Variants in MRPS22 observed in about 807,000 individuals in gnomAD.
MRPS22 encodes the protein mitochondrial ribosomal protein S22, also known as small ribosomal subunit protein mS22.
Under a neutral mutation model 44.0 loss-of-function variants are expected in MRPS22, and 30 were observed. The observed-to-expected ratio is 0.68, with a 90% CI of 0.51 to 0.93. The LOEUF (loss-of-function observed/expected upper bound fraction) is 0.93. Among genes scored for constraint, MRPS22 ranks in the 40% least tolerant of loss-of-function variants. The probability of loss-of-function intolerance (pLI) is 0.00; values close to 1 mark genes in which losing one functional copy is unlikely to be tolerated. For synonymous variants in MRPS22, 165 were observed against 154.4 expected (o/e 1.07, Z -0.51); for missense variants, 447 against 447.8 (o/e 1.00, Z 0.02).
chr3:139,348,404 C>A, intron 3 of MRPS22, 80 bp downstream of exon 3: 1 of 1,455,648 alleles, frequency 6.9e-7, no homozygotes, highest in Non-Finnish European at 9.6e-7. Context: ...TGTGACCTGG[C>A]TGTCTCTGAT....
At chr3:139,350,400 TC>T in intron 4 of MRPS22, 78 bp downstream of exon 4, 2 of 1,505,552 alleles carry the variant, frequency 1.3e-6, no homozygotes, top group East Asian at 2.3e-5. Context: ...TGTGCCTTGA[TC>T]CAGATAAACA....
chr3:139,349,652 A>C (rs1173361711), intron 3 of MRPS22, among the ~76,000 whole-genome samples: 2 of 152,222 alleles, frequency 1.3e-5, no homozygotes, highest in African/African-American at 4.8e-5. Context: ...TGGCAGTTGG[A>C]AGATCGAAGT....
chr3:139,356,029 C>T (rs1172536187), intron 7 of MRPS22, among the ~76,000 whole-genome samples: 1 of 152,076 alleles, frequency 6.6e-6, no homozygotes, highest in Non-Finnish European at 1.5e-5. Context: ...AGCTGGAGTC[C>T]AGAGAAGTTC....
At chr3:139,344,605 T>C (rs1391894364) in intron 1 of MRPS22, 1 of 647,766 alleles carries the variant, frequency 1.5e-6, no homozygotes, top group East Asian at 2.7e-5. Flanking sequence ...TGACCAAAGC[T>C]GAGATCTGGT....
intron 1 of MRPS22, chr3:139,344,615 T>C: frequency 1.5e-6 from 1 of 659,438 alleles, no homozygotes. Context: ...TGAGATCTGG[T>C]TAGCCATGCT....
intron 6 of MRPS22, among the ~76,000 whole-genome samples, chr3:139,354,790 C>T (rs951226875): frequency 1.3e-5 from 2 of 152,134 alleles, no homozygotes; most frequent in Admixed American, 1.3e-4. Flanking sequence ...GCCCTCCATT[C>T]CCAACTGGAA....
chr3:139,355,549 A>G, intron 6 of MRPS22, 133 bp from the exon 7 acceptor site: 2 of 770,962 alleles, frequency 2.6e-6, no homozygotes, highest in Admixed American at 4.3e-5. Context: ...GTAAAACTGA[A>G]GGTCCTTCCC....
At chr3:139,348,112 T>C (rs370107673) in intron 2 of MRPS22, 48 bp from the exon 3 acceptor site, 60 of 1,590,186 alleles carry the variant, frequency 3.8e-5, no homozygotes, top group Admixed American at 1.2e-4. Flanking sequence ...ATGATCCTTA[T>C]ATTATGTAAC....
chr3:139,344,077 T>C lies in MRPS22; in HGVS notation c.51T>C (p.Ser17=), dbSNP rs1411404317. ...TVLLWSLLRS[S]PGVERVCFRA... is the part of the protein sequence containing the mutation. ...TGCTGTGGAGCCTCTTGAGGAGTTC[T>C]CCGGGCGTGGAACGGGTCTGTTTCC... Residue 17 remains serine, a synonymous_variant, in exon 1 of 8, where the codon TCT becomes TCC. Coordinates refer to ENST00000680020, the MANE Select transcript of MRPS22 (RefSeq NM_020191.4). The C allele has an allele frequency of 1.9e-6, 3 of 1,614,076 alleles. No individual in the cohort carries two copies. Among genetic ancestry groups the C allele is most frequent in the African/African-American group, 2.7e-5 (2 of 74,932 alleles).
Position 139,355,793 on chromosome 3 carries a change from A to T in MRPS22, c.987+3A>T. The T allele has an allele frequency of 1.9e-6, 3 of 1,611,938 alleles. No homozygotes were observed. Among genetic ancestry groups the T allele is most frequent in the Non-Finnish European group, 2.5e-6 (3 of 1,178,104 alleles). On this transcript the variant is annotated splice_donor_region_variant and intron_variant, in intron 7 of 7. Coordinates refer to ENST00000680020, the MANE Select transcript of MRPS22 (RefSeq NM_020191.4). ...CTGAGGGAATAAATTTAATCAAGGTAAAGTTTTTTTTTCATATTGGTTGTT... is the reference window on the plus strand; with the variant it reads ...CTGAGGGAATAAATTTAATCAAGGTTAAGTTTTTTTTTCATATTGGTTGTT...
At chr3:139,356,083 A>G (rs1023460535) in intron 7 of MRPS22, among the ~76,000 whole-genome samples, 1 of 152,168 alleles carries the variant, frequency 6.6e-6, no homozygotes, top group Non-Finnish European at 1.5e-5. Context: ...GAGCACTGGA[A>G]GGGCTGAGCT....
At chr3:139,349,334 T>C (rs745881256) in intron 3 of MRPS22, 29 of 451,456 alleles carry the variant, frequency 6.4e-5, no homozygotes, top group Admixed American at 1.9e-4. Context: ...GCAGTGTTGA[T>C]GGAAGTTTCA....
chr3:139,350,380 C>A, intron 4 of MRPS22, 58 bp downstream of exon 4: 13 of 1,590,056 alleles, frequency 8.2e-6, no homozygotes, highest in Non-Finnish European at 1.1e-5. Flanking sequence ...TTTGTAGAAC[C>A]AGTTGGCTTT....
At position 139,355,807 on chromosome 3, in the gene MRPS22, A is replaced by T; in HGVS notation, c.987+17A>T. 1.9e-6 allele frequency: 3 copies of T among 1,578,358 alleles called. No individual in the cohort carries two copies. The highest frequency in any genetic ancestry group is 1.7e-4 in the Middle Eastern group (1 of 5,998). ...TTAATCAAGGTAAAGTTTTTTTTTC[A>T]TATTGGTTGTTTTGTGGTGGTAATT... On this transcript the variant is annotated intron_variant, in intron 7 of 7. Transcript: ENST00000680020.
At chr3:139,344,543 G>A in intron 1 of MRPS22, 1 of 613,450 alleles carries the variant, frequency 1.6e-6, no homozygotes, top group East Asian at 2.7e-5. Context: ...GACGCACACA[G>A]GAGAGGCACT....
At chr3:139,348,433 C>T (rs2107788152) in intron 3 of MRPS22, 109 bp downstream of exon 3, 4 of 1,132,760 alleles carry the variant, frequency 3.5e-6, no homozygotes, top group East Asian at 4.7e-5. Flanking sequence ...ACCAGATTTC[C>T]TCTGACTGGG....
intron 4 of MRPS22, 122 bp downstream of exon 4, chr3:139,350,444 T>TG: frequency 8.7e-7 from 1 of 1,144,530 alleles, no homozygotes; most frequent in Admixed American, 2.1e-5. Context: ...TTTTTTTTTT[T>TG]GAAATGGAGT....
chr3:139,349,348 A>G (rs1031981591), intron 3 of MRPS22: 3 of 450,610 alleles, frequency 6.7e-6, no homozygotes, highest in African/African-American at 2.0e-5. Context: ...AGTTTCATCT[A>G]TGTTATCTTC....
In MRPS22 at chr3:139,350,281, A is replaced by C. The variant is rs1275162621; in HGVS notation, c.607A>C (p.Lys203Gln). Reference protein sequence around the residue: ...IQVYFPKEGRKILTPIIFKEE... With the variant: ...IQVYFPKEGRQILTPIIFKEE... ...AGTTTATTTCCCAAAAGAAGGTCGT[A>C]AAATTTTGACACCAATAATTTTCAA... is the stretch of plus-strand genomic sequence containing the variant. The change falls in exon 4 of 8, where the codon AAA becomes CAA. Residue 203 changes from lysine to glutamine, a missense_variant. Physicochemically the swap from Lys to Gln is moderately conservative, Grantham distance 53 (BLOSUM62 1). Coordinates refer to ENST00000680020, the MANE Select transcript of MRPS22 (RefSeq NM_020191.4). 2 of 1,614,222 alleles carry C rather than the reference A, an allele frequency of 1.2e-6. No individual in the cohort carries two copies. The highest frequency in any genetic ancestry group is 3.3e-5 in the Admixed American group (2 of 60,030).
Sources: gnomAD v4.1 joint callset for allele counts (sites outside exome capture counted in the v4.1 genomes callset) on GRCh38, gnomAD v4.1.1 for gene constraint, MANE v1.5 for transcripts, NCBI Gene and HGNC (gene_info 2026-07-23, HGNC 2026-07-21) for gene names.